FANCC: variants seen among roughly 807,000 people sequenced by gnomAD.
FANCC encodes the protein FA complementation group C, also known as Fanconi anemia group C protein.
A neutral mutation model predicts 71.3 loss-of-function variants in FANCC; 55 were observed. The observed-to-expected ratio is 0.77, with a 90% CI of 0.62 to 0.97. The LOEUF is 0.97. Among genes scored for constraint, FANCC ranks in the 50% least tolerant of loss-of-function variants. FANCC has a pLI of 0.00. For missense variants in FANCC, 678 were observed against 670.9 expected, an observed-to-expected ratio of 1.01 and a Z score of -0.12; for synonymous variants, 275 against 244.9, an observed-to-expected ratio of 1.12 and a Z score of -1.15.
At chr9:95,283,051 CATTA>C (rs772192447) in intron 1 of FANCC, among the ~76,000 whole-genome samples, 20 of 152,150 alleles carry the variant, frequency 1.3e-4, no homozygotes, top group African/African-American at 3.4e-4. Flanking sequence ...TTTTATTAAA[CATTA>C]ATTAATATTT....
At chr9:95,253,069 A>G (rs1037773143) in intron 1 of FANCC, among the ~76,000 whole-genome samples, 5 of 152,104 alleles carry the variant, frequency 3.3e-5, no homozygotes, top group Non-Finnish European at 5.9e-5. Flanking sequence ...TCTAAAAAAG[A>G]AAAAAAGGCA....
chr9:95,170,332 A>G (rs979056945), intron 6 of FANCC, among the ~76,000 whole-genome samples: 30 of 152,112 alleles, frequency 2.0e-4, no homozygotes, highest in African/African-American at 7.0e-4. Context: ...GTTAGGTGCA[A>G]AGGATTCCTA....
intron 1 of FANCC, chr9:95,294,080 C>G (rs1564835728): frequency 6.2e-7 from 1 of 1,610,276 alleles, no homozygotes; most frequent in African/African-American, 1.3e-5. Flanking sequence ...CAGAACATGA[C>G]AGATAATCAG....
chr9:95,295,045 C>A (rs1481098363), intron 1 of FANCC, among the ~76,000 whole-genome samples: 1 of 151,978 alleles, frequency 6.6e-6, no homozygotes, highest in African/African-American at 2.4e-5. Context: ...ACAAAATGGG[C>A]TAAATGTAAT....
At chr9:95,120,927 T>C (rs2134783703) in intron 10 of FANCC, among the ~76,000 whole-genome samples, 1 of 152,310 alleles carries the variant, frequency 6.6e-6, no homozygotes, top group African/African-American at 2.4e-5. Flanking sequence ...CTTAAGTCAA[T>C]CAGATTGTGC....
At chr9:95,156,606 T>C (rs192833207) in intron 6 of FANCC, among the ~76,000 whole-genome samples, 50 of 152,298 alleles carry the variant, frequency 3.3e-4, no homozygotes, top group Middle Eastern at 3.4e-3. Context: ...TTGAGCCCTT[T>C]TAGAAGCTTT....
At position 95,107,240 on chromosome 9, in the gene FANCC, G is replaced by C; in HGVS notation, c.1359C>G (p.Leu453=). 6.2e-7 allele frequency: 1 copy of C among 1,614,116 alleles called. No individual in the cohort carries two copies. The highest frequency in any genetic ancestry group is 8.5e-7 in the Non-Finnish European group (1 of 1,180,014). ...MVQVKAVLGH[L]LAMSRSSSLS... is the part of the protein sequence containing the mutation. ...GGCTGCTGCTTCTGGACATTGCCAGGAGGTGGCCCAGCACGGCCTTCACCT... is the reference window on the plus strand; with the variant it reads ...GGCTGCTGCTTCTGGACATTGCCAGCAGGTGGCCCAGCACGGCCTTCACCT... Residue 453 remains leucine (L), a synonymous_variant, in exon 14 of 15, where the codon CTC becomes CTG. Transcript: ENST00000289081.
chr9:95,259,594 A>G (rs1831895523), intron 1 of FANCC, among the ~76,000 whole-genome samples: 1 of 152,260 alleles, frequency 6.6e-6, no homozygotes, highest in African/African-American at 2.4e-5. Flanking sequence ...AAACCCTGGA[A>G]GAAAACCTAG....
chr9:95,286,123 A>C (rs987841812), intron 1 of FANCC, among the ~76,000 whole-genome samples: 1 of 152,252 alleles, frequency 6.6e-6, no homozygotes, highest in African/African-American at 2.4e-5. Context: ...ACACACAAAC[A>C]TATACATATA....
intron 1 of FANCC, among the ~76,000 whole-genome samples, chr9:95,280,999 G>A (rs968020136): frequency 3.9e-5 from 6 of 151,960 alleles, no homozygotes; most frequent in African/African-American, 1.4e-4. Flanking sequence ...TTGAAAATAC[G>A]TAACTAAAGG....
chr9:95,215,928 T>C (rs925462528), intron 4 of FANCC, among the ~76,000 whole-genome samples: 1 of 152,222 alleles, frequency 6.6e-6, no homozygotes, highest in Non-Finnish European at 1.5e-5. Flanking sequence ...ATTAAAAGGA[T>C]TATTATTTTA....
At chr9:95,159,718 C>T (rs560837809) in intron 6 of FANCC, among the ~76,000 whole-genome samples, 300 of 152,200 alleles carry the variant, frequency 2.0e-3, no homozygotes, top group African/African-American at 6.1e-3. Flanking sequence ...TTTTAATGAT[C>T]GCCATTCTAA....
chr9:95,110,296 G>A, intron 13 of FANCC: 1 of 1,013,606 alleles, frequency 9.9e-7, no homozygotes. Context: ...TTTTGACTGT[G>A]ATGGAATTGA....
chr9:95,117,913 A>T (rs2072557879), intron 10 of FANCC, among the ~76,000 whole-genome samples: 1 of 151,936 alleles, frequency 6.6e-6, no homozygotes, highest in South Asian at 2.1e-4. Context: ...GTAGAGACAG[A>T]GTTTCTCCAT....
intron 4 of FANCC, among the ~76,000 whole-genome samples, chr9:95,204,115 A>G (rs1353243350): frequency 6.6e-6 from 1 of 152,236 alleles, no homozygotes; most frequent in Admixed American, 6.5e-5. Flanking sequence ...GTATATGCTA[A>G]TGTGTTCTTT....
At position 95,099,295 on chromosome 9, in the gene FANCC, G is replaced by A. The variant is rs2071004277; in HGVS notation, c.*2412C>T. 1 of 223,576 alleles carries A rather than the reference G, an allele frequency of 4.5e-6. No homozygotes were observed. Among genetic ancestry groups the A allele is most frequent in the Non-Finnish European group, 8.9e-6 (1 of 112,240 alleles). The allele number at this position is 223,576 out of a possible 1,614,324, so 13.8% of individuals were successfully genotyped here. Reference sequence around the variant, plus strand: ...AAAAACTCCTGCTAGAGTAAGGTCAGATTCCAGACCCTGTCGCACCTCTGA... The same window carrying A: ...AAAAACTCCTGCTAGAGTAAGGTCAAATTCCAGACCCTGTCGCACCTCTGA... On this transcript the variant is annotated 3_prime_UTR_variant, in exon 15 of 15. Transcript: ENST00000289081.
In FANCC at chr9:95,267,133, C is replaced by T. The variant is rs114250853; in HGVS notation, c.-78-17764G>A. 3.1e-3 allele frequency among the ~76,000 whole-genome samples: 465 copies of T among 152,198 alleles called. 2 individuals are homozygous for T. Among genetic ancestry groups the T allele is most frequent in the African/African-American group, 0.011 (443 of 41,524 alleles). On this transcript the variant is annotated intron_variant, in intron 1 of 14. Coordinates refer to ENST00000289081, the MANE Select transcript of FANCC (RefSeq NM_000136.3). ...TAGGGTCCAAAAACAGGCAATGAAA[C>T]TGTAGGTTTGGGTCTTAGAAGGGTT...
intron 4 of FANCC, among the ~76,000 whole-genome samples, chr9:95,201,054 T>C (rs1393232863): frequency 6.6e-6 from 1 of 152,220 alleles, no homozygotes; most frequent in Admixed American, 6.5e-5. Context: ...TTGCCTTTTA[T>C]AAATGTGGGC....
chr9:95,148,023 T>TA (rs1829794774), intron 7 of FANCC, among the ~76,000 whole-genome samples: 1 of 152,176 alleles, frequency 6.6e-6, no homozygotes, highest in Non-Finnish European at 1.5e-5. Context: ...TTTGCACTGA[T>TA]AGCGCAAAAG....
Sources: gnomAD v4.1 joint callset for allele counts (sites outside exome capture counted in the v4.1 genomes callset) on GRCh38, gnomAD v4.1.1 for gene constraint, MANE v1.5 for transcripts, NCBI Gene and HGNC (gene_info 2026-07-23, HGNC 2026-07-21) for gene names.